The following NFE2L3 variants were observed in gnomAD, a reference collection of about 807,000 sequenced individuals.
NFE2L3 encodes the protein NFE2 like bZIP transcription factor 3.
In NFE2L3, 18 loss-of-function variants were observed where a neutral mutation model predicts 23.5. The ratio of observed to expected loss-of-function variants is 0.77; its 90% CI spans 0.53 to 1.13. The LOEUF (loss-of-function observed/expected upper bound fraction) is 1.13. NFE2L3 is among the 50% of genes most tolerant of loss of function. The pLI is 0.00. For synonymous variants in NFE2L3, 424 were observed against 354.5 expected, an observed-to-expected ratio of 1.20 and a Z score of -2.20; for missense variants, 1,152 against 877.2, an observed-to-expected ratio of 1.31 and a Z score of -3.96.
intron 1 of NFE2L3, among the ~76,000 whole-genome samples, chr7:26,156,020 G>C (rs983970525): frequency 2.0e-5 from 3 of 152,180 alleles, no homozygotes; most frequent in Non-Finnish European, 2.9e-5. Context: ...CTTTTGGCTT[G>C]TCTGCATATC....
At position 26,185,745 on chromosome 7, in the gene NFE2L3, G is replaced by T. The variant is rs747776288; in HGVS notation, c.2047G>T (p.Gly683Cys). Residue 683 changes from glycine (G) to cysteine (C), a missense_variant, in exon 4 of 4, where the codon GGC (glycine) becomes TGC (cysteine). Transcript: ENST00000056233. ...AGTACCCAAAGAACTGGTGGCCTCA[G>T]GCCACAAAAAGGAAACCCAAAAGGG... ...LIVPKELVAS[G>C]HKKETQKGKR... 6.9e-6 allele frequency: 11 copies of T among 1,587,428 alleles called. No individual in the cohort carries two copies. In the African/African-American group the frequency reaches 1.2e-4, roughly 18 times the overall value.
chr7:26,169,454 T>C (rs1281321310), intron 1 of NFE2L3, among the ~76,000 whole-genome samples: 3 of 152,146 alleles, frequency 2.0e-5, no homozygotes, highest in African/African-American at 7.2e-5. Context: ...TGACAGGTCA[T>C]GGGATGTGGG....
In NFE2L3 at chr7:26,184,183, TTATTATCCC is replaced by T. The variant is rs1313129512; in HGVS notation, c.835-348_835-340del. The T allele has an allele frequency of 2.1e-5, 7 of 335,232 alleles. 1 individual carries two copies. Among genetic ancestry groups the T allele is most frequent in the Non-Finnish European group, 3.8e-5 (7 of 182,724 alleles). 20.8% of individuals were successfully genotyped at this position (335,232 alleles called of 1,614,324 possible). On this transcript the variant is annotated intron_variant, in intron 3 of 3. Transcript: ENST00000056233. ...CTCCTCCAGACTACTTCACTGTAGT[TTATTATCCC>T]TGACCCTCCACAATGTGATTACCAA...
At chr7:26,176,167 G>A (rs908220822) in intron 1 of NFE2L3, among the ~76,000 whole-genome samples, 22 of 152,074 alleles carry the variant, frequency 1.4e-4, no homozygotes, top group African/African-American at 4.6e-4. Context: ...CAGAGAGCAG[G>A]GGGTTGGGAG....
At chr7:26,177,572 C>T (rs879327069) in intron 1 of NFE2L3, among the ~76,000 whole-genome samples, 2 of 152,094 alleles carry the variant, frequency 1.3e-5, no homozygotes, top group Non-Finnish European at 2.9e-5. Context: ...AGTCCAGGCT[C>T]AGCAATGGAG....
In NFE2L3 at chr7:26,185,082, G is replaced by C. The variant is rs1346884697; in HGVS notation, c.1384G>C (p.Glu462Gln). The change falls in exon 4 of 4, where the codon GAA becomes CAA. Residue 462 changes from glutamate to glutamine, a missense_variant. Glu to Gln is a conservative substitution (Grantham distance 29, BLOSUM62 2). Transcript: ENST00000056233. ...TGAATCTAGTTCCCATCATGACTTA[G>C]AAGGTGCTGTAGGTGGCTACTACCC... ...DHESSSHHDLEGAVGGYYPEP... is the reference protein window; with the variant it reads ...DHESSSHHDLQGAVGGYYPEP... 2.5e-6 allele frequency: 4 copies of C among 1,613,740 alleles called. No homozygotes were observed. Among genetic ancestry groups the C allele is most frequent in the Non-Finnish European group, 3.4e-6 (4 of 1,179,832 alleles).
chr7:26,166,827 C>G (rs2128098433), intron 1 of NFE2L3, among the ~76,000 whole-genome samples: 2 of 152,338 alleles, frequency 1.3e-5, no homozygotes, highest in Admixed American at 1.3e-4. Context: ...TACCATTCTC[C>G]CTCTGACGTC....
intron 1 of NFE2L3, among the ~76,000 whole-genome samples, chr7:26,166,214 G>A (rs1448910066): frequency 6.6e-6 from 1 of 152,138 alleles, no homozygotes; most frequent in Non-Finnish European, 1.5e-5. Flanking sequence ...TGTGGTCAGG[G>A]GCAGACAGGG....
intron 2 of NFE2L3, among the ~76,000 whole-genome samples, chr7:26,183,073 C>T (rs532192698): frequency 6.6e-6 from 1 of 152,134 alleles, no homozygotes; most frequent in South Asian, 2.1e-4. Flanking sequence ...AAGCGTGAGC[C>T]ACCACACCTG....
In NFE2L3 at chr7:26,152,677, GC is replaced by G; in HGVS notation, c.183del (p.Phe62SerfsTer134). 2 of 1,487,454 alleles carry G rather than the reference GC, an allele frequency of 1.3e-6. No individual in the cohort carries two copies. The highest frequency in any genetic ancestry group is 2.5e-5 in the South Asian group (2 of 78,604). 92.1% of individuals were successfully genotyped at this position (1,487,454 alleles called of 1,614,324 possible). ...CCGGCCAGCTCCGCCTACGCGCTCA[GC>G]CCCTTCTCGGCCTCGGGAGGGTGGG... ...GGPASSAYAL[S>X]PFSASGGWGR... On this transcript the variant is annotated frameshift_variant, in exon 1 of 4. Coordinates refer to ENST00000056233, the MANE Select transcript of NFE2L3 (RefSeq NM_004289.7). LOFTEE classifies it high-confidence loss of function. This position sits in a 1 kb window ranked among gnomAD's most constrained non-coding sequence, Gnocchi z 4.4.
intron 3 of NFE2L3, 36 bp from the exon 4 acceptor site, chr7:26,184,497 T>G: frequency 6.4e-7 from 1 of 1,561,670 alleles, no homozygotes; most frequent in South Asian, 1.2e-5. Context: ...GAAATAGGGC[T>G]ATTCATGTTT....
intron 2 of NFE2L3, among the ~76,000 whole-genome samples, chr7:26,183,307 G>A (rs1315919108): frequency 6.6e-6 from 1 of 152,096 alleles, no homozygotes; most frequent in African/African-American, 2.4e-5. Context: ...CAGCACTTTG[G>A]GAGGCCTAGG....
Position 26,152,199 on chromosome 7 carries a change from G to C in NFE2L3, c.-300G>C, listed in dbSNP as rs1427760531. Reference sequence around the variant, plus strand: ...TCGGCTGCGCCCGCGGCCGGGGGCGGAGCTTGGCCACCGCGCCGGGCTGCG... The same window carrying C: ...TCGGCTGCGCCCGCGGCCGGGGGCGCAGCTTGGCCACCGCGCCGGGCTGCG... On this transcript the variant is annotated 5_prime_UTR_variant, in exon 1 of 4. Transcript: ENST00000056233. This position sits in a 1 kb window ranked among gnomAD's most constrained non-coding sequence, Gnocchi z 4.4. The C allele has an allele frequency of 5.8e-6, 1 of 173,410 alleles. No individual in the cohort carries two copies. The highest frequency in any genetic ancestry group is 1.2e-5 in the Non-Finnish European group (1 of 82,480). 10.7% of individuals were successfully genotyped at this position (173,410 alleles called of 1,614,324 possible).
chr7:26,176,462 C>A (rs1475742909), intron 1 of NFE2L3, among the ~76,000 whole-genome samples: 1 of 151,748 alleles, frequency 6.6e-6, no homozygotes, highest in Non-Finnish European at 1.5e-5. Flanking sequence ...CTCCTCACTT[C>A]CCAGACGGGG....
Position 26,186,422 on chromosome 7 carries a change from T to C in NFE2L3, c.*639T>C, listed in dbSNP as rs558494143. On this transcript the variant is annotated 3_prime_UTR_variant, in exon 4 of 4. Coordinates refer to ENST00000056233, the MANE Select transcript of NFE2L3 (RefSeq NM_004289.7). The stretch of plus-strand genomic sequence containing the variant: ...GCAAACTGCTCAGACTCAAGCCAAA[T>C]TGAGGTCAACATAGTATGCCAAATC... The C allele has an allele frequency of 6.6e-6, 1 of 152,384 alleles. No homozygotes were observed. Among genetic ancestry groups the C allele is most frequent in the South Asian group, 2.1e-4 (1 of 4,826 alleles). The allele number at this position is 152,384 out of a possible 1,614,324, so 9.4% of individuals were successfully genotyped here.
intron 1 of NFE2L3, among the ~76,000 whole-genome samples, chr7:26,159,641 A>G (rs555104760): frequency 3.9e-5 from 6 of 152,338 alleles, no homozygotes; most frequent in South Asian, 4.1e-4. Flanking sequence ...AGTCTCAACT[A>G]GAAAGTAGGT....
chr7:26,181,102 A>T (rs1193853790), intron 2 of NFE2L3, among the ~76,000 whole-genome samples: 2 of 152,060 alleles, frequency 1.3e-5, no homozygotes, highest in Non-Finnish European at 2.9e-5. Context: ...CAGCCTCCCA[A>T]GTAACTGGGG....
chr7:26,177,346 C>T (rs1342275644), intron 1 of NFE2L3, among the ~76,000 whole-genome samples: 1 of 152,234 alleles, frequency 6.6e-6, no homozygotes, highest in South Asian at 2.1e-4. Context: ...TCTGCAATCC[C>T]AGCACCTCGG....
chr7:26,182,171 AAC>A (rs1562678058), intron 2 of NFE2L3, among the ~76,000 whole-genome samples: 1 of 152,226 alleles, frequency 6.6e-6, no homozygotes, highest in Non-Finnish European at 1.5e-5. Flanking sequence ...ACTAAGAAGA[AAC>A]ATTTTTTAAA....
Sources: allele counts gnomAD v4.1 joint callset (sites outside exome capture counted in the v4.1 genomes callset), GRCh38; gene constraint gnomAD v4.1.1; non-coding constraint Gnocchi (gnomAD v3.1); transcripts MANE v1.5; gene names NCBI Gene and HGNC (gene_info 2026-07-23, HGNC 2026-07-21).